Variants in ZNF775 observed in about 807,000 individuals in gnomAD.
The protein encoded by ZNF775 is zinc finger protein 775.
A neutral mutation model predicts 2.4 loss-of-function variants in ZNF775; 1 was observed. The ratio of observed to expected loss-of-function variants is 0.41; its 90% CI spans 0.15 to 1.94. The LOEUF (loss-of-function observed/expected upper bound fraction) is 1.94, where lower values mean the gene tolerates loss of function less well. Ranked by LOEUF, ZNF775 falls within the 30% of genes most tolerant of loss-of-function variation. The pLI is 0.30. For missense variants in ZNF775, 823 were observed against 826.6 expected (o/e 1.00, Z 0.05); for synonymous variants, 381 against 373.3 (o/e 1.02, Z -0.24).
rs1800677970 is a variant in ZNF775 at position 150,397,095 on chromosome 7, G to A, written c.614G>A (p.Gly205Asp). ...GAGCGCTGCTTCCGTCACCAGGTGG[G>A]CCTCCGCATCCACCAGCGCGCGCAC... ...ECERCFRHQV[G>D]LRIHQRAHAR... is the part of the protein sequence containing the mutation. The change falls in exon 3 of 3, where the codon GGC becomes GAC. Residue 205 changes from glycine (G) to aspartate (D), a missense_variant. Gly to Asp is a moderately conservative substitution (Grantham distance 94). Transcript: ENST00000329630. The A allele has an allele frequency of 5.1e-6, 8 of 1,563,702 alleles. No homozygotes were observed. The highest frequency in any genetic ancestry group is 5.2e-6 in the Non-Finnish European group (6 of 1,163,004).
intron 2 of ZNF775, among the ~76,000 whole-genome samples, chr7:150,389,325 C>T (rs1362046245): frequency 6.6e-6 from 1 of 152,246 alleles, no homozygotes; most frequent in Non-Finnish European, 1.5e-5. Flanking sequence ...AGAGCCGCCT[C>T]CCCTCCCAGG....
Position 150,397,000 on chromosome 7 carries a change from C to G in ZNF775, c.519C>G (p.Ser173Arg), listed in dbSNP as rs1231364412. ...FCCPECARRF[S>R]QKQHLLKHQK... ...GCCCCGAGTGCGCGCGGCGCTTCAGCCAGAAGCAGCACCTGCTCAAGCACC... is the reference window on the plus strand; with the variant it reads ...GCCCCGAGTGCGCGCGGCGCTTCAGGCAGAAGCAGCACCTGCTCAAGCACC... Residue 173 changes from serine (S) to arginine (R), a missense_variant, in exon 3 of 3, where the codon AGC (serine) becomes AGG (arginine). Ser to Arg is a moderately radical substitution (Grantham distance 110). Transcript: ENST00000329630. 1.9e-6 allele frequency: 3 copies of G among 1,598,928 alleles called. No homozygotes were observed. The African/African-American group carries it at 4.0e-5, about 21-fold the overall frequency.
intron 2 of ZNF775, among the ~76,000 whole-genome samples, chr7:150,390,923 T>C (rs1800548843): frequency 6.6e-6 from 1 of 152,260 alleles, no homozygotes; most frequent in Non-Finnish European, 1.5e-5. Flanking sequence ...AATACCCATG[T>C]GTATACTTGT....
chr7:150,383,396 G>A (rs894624556), intron 1 of ZNF775, among the ~76,000 whole-genome samples: 5 of 152,170 alleles, frequency 3.3e-5, no homozygotes, highest in African/African-American at 9.7e-5. Context: ...TGAGGGACGC[G>A]CAGGTGTGGG....
intron 2 of ZNF775, 106 bp from the exon 3 acceptor site, chr7:150,396,407 C>A: frequency 7.3e-7 from 1 of 1,375,882 alleles, no homozygotes; most frequent in Non-Finnish European, 9.6e-7. Context: ...TTCAGCCCCT[C>A]TCTGCCCTCC....
At chr7:150,394,448 C>T (rs1286688981) in intron 2 of ZNF775, among the ~76,000 whole-genome samples, 1 of 152,268 alleles carries the variant, frequency 6.6e-6, no homozygotes, top group Middle Eastern at 3.4e-3. Context: ...TCTTTGTTTT[C>T]CCCTCTGCCT....
chr7:150,397,603 C>G lies in ZNF775; in HGVS notation c.1122C>G (p.Ser374Arg). 4.2e-6 allele frequency: 6 copies of G among 1,442,372 alleles called. No homozygotes were observed. Among genetic ancestry groups the G allele is most frequent in the Non-Finnish European group, 5.4e-6 (6 of 1,105,812 alleles). The allele number at this position is 1,442,372 out of a possible 1,614,324, so 89.3% of individuals were successfully genotyped here. A position where few individuals can be genotyped will look rare whatever the true frequency, so the allele number is the denominator to read the frequency against. The change falls in exon 3 of 3, where the codon AGC (serine) becomes AGG (arginine). Residue 374 changes from serine (S) to arginine (R), a missense_variant. Coordinates refer to ENST00000329630, the MANE Select transcript of ZNF775 (RefSeq NM_173680.4). ...CGCCCTGCCCCAGCTGCGGTAAGAG[C>G]TGCCGCAGCCGCGCCGCGCTGCGCG... The part of the protein sequence containing the change: ...QAAPCPSCGK[S>R]CRSRAALRAH...
Position 150,397,672 on chromosome 7 carries a change from C to T in ZNF775, c.1191C>T (p.Ala397=), listed in dbSNP as rs1241511024. 8 of 1,330,496 alleles carry T rather than the reference C, an allele frequency of 6.0e-6. No individual in the cohort carries two copies. The highest frequency in any genetic ancestry group is 7.6e-6 in the Non-Finnish European group (8 of 1,046,060). The allele number at this position is 1,330,496 out of a possible 1,614,324, so 82.4% of individuals were successfully genotyped here. Residue 397 remains alanine, a synonymous_variant, in exon 3 of 3, where the codon GCC becomes GCT. Coordinates refer to ENST00000329630, the MANE Select transcript of ZNF775 (RefSeq NM_173680.4). ...AHAVAEPAVP[A]GEPGDQPQAE... ...CTGTCGCTGAGCCCGCCGTTCCGGC[C>T]GGGGAACCGGGCGACCAGCCGCAGG...
intron 2 of ZNF775, among the ~76,000 whole-genome samples, chr7:150,392,766 T>C (rs1030224574): frequency 6.6e-6 from 1 of 152,194 alleles, no homozygotes; most frequent in African/African-American, 2.4e-5. Flanking sequence ...ACTCCTGCAC[T>C]TAAGCAATCC....
rs1277902052 is a variant in ZNF775, at chr7:150,396,835, G to T, written c.354G>T (p.Trp118Cys). 6.2e-7 allele frequency: 1 copy of T among 1,602,202 alleles called. No individual in the cohort carries two copies. Among genetic ancestry groups the T allele is most frequent in the Admixed American group, 1.7e-5 (1 of 59,568 alleles). ...TGGACTGCGGGAAGAGGTTCAGCTGGTGGTCGTCCCTGAAGATCCACCAGC... is the reference window on the plus strand; with the variant it reads ...TGGACTGCGGGAAGAGGTTCAGCTGTTGGTCGTCCCTGAAGATCCACCAGC... ...VCLDCGKRFS[W>C]WSSLKIHQRT... The change falls in exon 3 of 3, where the codon TGG becomes TGT. Residue 118 changes from tryptophan to cysteine, a missense_variant. Transcript: ENST00000329630.
rs937163910 is a variant in ZNF775 at position 150,397,046 on chromosome 7, G to A, written c.565G>A (p.Ala189Thr). 6.9e-6 allele frequency: 11 copies of A among 1,595,816 alleles called. No individual in the cohort carries two copies. The highest frequency in any genetic ancestry group is 7.6e-6 in the Non-Finnish European group (9 of 1,177,690). The change falls in exon 3 of 3, where the codon GCC becomes ACC. Residue 189 changes from alanine (A) to threonine (T), a missense_variant. Physicochemically the swap from Ala to Thr is moderately conservative, Grantham distance 58 (BLOSUM62 0). Transcript: ENST00000329630. The stretch of plus-strand genomic sequence containing the variant: ...GCACCAGAAGACCCACTCCCGGCCC[G>A]CCACCCACTCGTGCCCCGAGTGCGA... ...LKHQKTHSRP[A>T]THSCPECERC...
intron 1 of ZNF775, among the ~76,000 whole-genome samples, chr7:150,386,718 G>A (rs1206234652): frequency 6.6e-6 from 1 of 152,174 alleles, no homozygotes; most frequent in African/African-American, 2.4e-5. Context: ...GGGTACAGGT[G>A]CACGGGACCA....
rs1274233909 is a variant in ZNF775, at chr7:150,398,334, G to T, written c.*239G>T. On this transcript the variant is annotated 3_prime_UTR_variant, in exon 3 of 3. Coordinates refer to ENST00000329630, the MANE Select transcript of ZNF775 (RefSeq NM_173680.4). ...AGTTCCTCACCGCGGGCCGGGATGT[G>T]ACCACCCTCTTCAGAGGTTGGACCC... 3.1e-6 allele frequency: 2 copies of T among 636,216 alleles called. No individual in the cohort carries two copies. Among genetic ancestry groups the T allele is most frequent in the Non-Finnish European group, 5.2e-6 (2 of 386,364 alleles). The allele number at this position is 636,216 out of a possible 1,614,324, so 39.4% of individuals were successfully genotyped here.
intron 2 of ZNF775, among the ~76,000 whole-genome samples, chr7:150,391,707 T>TTTC (rs1491533587): frequency 1.5e-4 from 2 of 13,572 alleles, no homozygotes; most frequent in African/African-American, 2.7e-4. Context: ...CCTTTCTTTC[T>TTTC]TTTTTTTTTT....
intron 2 of ZNF775, among the ~76,000 whole-genome samples, chr7:150,392,121 C>T (rs906937562): frequency 6.6e-6 from 1 of 152,120 alleles, no homozygotes; most frequent in African/African-American, 2.4e-5. Context: ...TTTTAATTAC[C>T]TCTGGATTCT....
chr7:150,380,915 T>G (rs1800349694), intron 1 of ZNF775, among the ~76,000 whole-genome samples: 1 of 152,222 alleles, frequency 6.6e-6, no homozygotes, highest in African/African-American at 2.4e-5. Flanking sequence ...TCCTTTATTT[T>G]CATGATTGGA....
At chr7:150,393,346 C>T (rs1042536172) in intron 2 of ZNF775, among the ~76,000 whole-genome samples, 13 of 152,338 alleles carry the variant, frequency 8.5e-5, no homozygotes, top group African/African-American at 2.9e-4. Context: ...AATATTCCAT[C>T]ATGCGGAGTT....
rs182942298 is a variant in ZNF775 at position 150,391,236 on chromosome 7, G to A, written c.31+2735G>A. 6.8e-4 allele frequency among the ~76,000 whole-genome samples: 104 copies of A among 152,308 alleles called. 3 individuals carry two copies. In the East Asian group the frequency reaches 0.019, roughly 28 times the overall value. On this transcript the variant is annotated intron_variant, in intron 2 of 2. Transcript: ENST00000329630. The stretch of plus-strand genomic sequence containing the variant: ...AATTAACTTAAGTACGGCCAGGCGC[G>A]GTGGCTCACGCCTGTAATCCCAGCA...
chr7:150,397,194 G>T lies in ZNF775; in HGVS notation c.713G>T (p.Arg238Leu). The change falls in exon 3 of 3, where the codon CGC (arginine) becomes CTC (leucine). Residue 238 changes from arginine (R) to leucine (L), a missense_variant. Transcript: ENST00000329630. ...GACGCGGCGGCGCGCCGGGCCTGTC[G>T]CCTGCAGCCGGGGCCGCCGCGGGGG... The part of the protein sequence containing the change: ...IQDAAARRAC[R>L]LQPGPPRGRP... 3.5e-6 allele frequency: 4 copies of T among 1,157,458 alleles called. No individual in the cohort carries two copies. Among genetic ancestry groups the T allele is most frequent in the Middle Eastern group, 3.6e-4 (1 of 2,770 alleles). The allele number at this position is 1,157,458 out of a possible 1,614,324, so 71.7% of individuals were successfully genotyped here. A position where few individuals can be genotyped will look rare whatever the true frequency, so the allele number is the denominator to read the frequency against.
Sources: gnomAD v4.1 joint callset for allele counts (sites outside exome capture counted in the v4.1 genomes callset) on GRCh38, gnomAD v4.1.1 for gene constraint, MANE v1.5 for transcripts, NCBI Gene and HGNC (gene_info 2026-07-23, HGNC 2026-07-21) for gene names.